ST7L: variants seen among roughly 807,000 people sequenced by gnomAD.
The protein encoded by ST7L is suppression of tumorigenicity 7 like.
ST7L carries 57 observed loss-of-function variants against 72.5 expected under a neutral mutation model. That is an observed-to-expected ratio of 0.79 (90% CI 0.64 to 0.98). The LOEUF (loss-of-function observed/expected upper bound fraction) is 0.98, where lower values mean the gene tolerates loss of function less well. Among genes scored for constraint, ST7L ranks in the 50% least tolerant of loss-of-function variants. ST7L has a pLI of 0.00. For missense variants in ST7L, 576 were observed against 672.2 expected (o/e 0.86, Z 1.58); for synonymous variants, 221 against 240.9 (o/e 0.92, Z 0.77).
At chr1:112,545,061 G>A (rs1191043399) in intron 13 of ST7L, among the ~76,000 whole-genome samples, 2 of 152,072 alleles carry the variant, frequency 1.3e-5, no homozygotes, top group African/African-American at 2.4e-5. Context: ...TCCAGAATGC[G>A]GTAAGTCATA....
upstream of ST7L, chr1:112,619,288 C>A: frequency 1.6e-6 from 1 of 640,836 alleles, no homozygotes; most frequent in Non-Finnish European, 2.7e-6. Flanking sequence ...TTGGGGCTAC[C>A]TGTTCTTTCG....
chr1:112,584,323 C>T (rs1355841610), intron 6 of ST7L, among the ~76,000 whole-genome samples, 197 bp from the exon 7 acceptor site: 4 of 150,944 alleles, frequency 2.6e-5, no homozygotes, highest in African/African-American at 9.7e-5. Context: ...ACAATTCTTC[C>T]ACTTTCTTAT....
intron 14 of ST7L, chr1:112,527,966 C>G (rs1280640433): frequency 6.6e-6 from 1 of 152,100 alleles, no homozygotes; most frequent in Non-Finnish European, 1.5e-5. Flanking sequence ...TAAGTAGACA[C>G]AAGAGGCTGG....
At chr1:112,548,033 C>T (rs12136781) in intron 13 of ST7L, among the ~76,000 whole-genome samples, 32,980 of 151,826 alleles carry the variant, frequency 0.22, 3,775 homozygotes, top group Middle Eastern at 0.26. Flanking sequence ...TATTGAATAC[C>T]AATTTTTATG....
intron 11 of ST7L, among the ~76,000 whole-genome samples, chr1:112,570,059 G>A (rs1398804174): frequency 6.7e-6 from 1 of 150,128 alleles, no homozygotes; most frequent in East Asian, 2.0e-4. Context: ...GGAATATTTA[G>A]AATATATGAA....
chr1:112,594,618 A>T (rs1230462756), intron 5 of ST7L, among the ~76,000 whole-genome samples: 1 of 152,234 alleles, frequency 6.6e-6, no homozygotes, highest in Non-Finnish European at 1.5e-5. Flanking sequence ...AGTTCTAGGC[A>T]AAGTTCCAAG....
intron 2 of ST7L, among the ~76,000 whole-genome samples, chr1:112,614,231 T>A (rs1204291556): frequency 1.6e-5 from 2 of 125,010 alleles, no homozygotes; most frequent in African/African-American, 6.1e-5. Context: ...ATATTGATAG[T>A]TTCTTTAAAA....
Position 112,556,035 on chromosome 1 carries a change from C to A in ST7L, c.1246-17G>T. The A allele has an allele frequency of 6.4e-7, 1 of 1,563,504 alleles. No homozygotes were observed. Among genetic ancestry groups the A allele is most frequent in the Non-Finnish European group, 8.7e-7 (1 of 1,153,514 alleles). ...TAATAAATACTGAAAGAGTAACACA[C>A]AGACACATATACACACAACAGAAAA... is the stretch of plus-strand genomic sequence containing the variant. On this transcript the variant is annotated splice_polypyrimidine_tract_variant and intron_variant, in intron 11 of 14. Transcript: ENST00000358039.
intron 3 of ST7L, among the ~76,000 whole-genome samples, chr1:112,608,184 C>A (rs1054526072): frequency 6.6e-6 from 1 of 151,954 alleles, no homozygotes; most frequent in Admixed American, 6.6e-5. Context: ...CTGTGCCCAA[C>A]TGATTTTATT....
At chr1:112,584,367 A>G (rs1410907760) in intron 6 of ST7L, among the ~76,000 whole-genome samples, 1 of 151,854 alleles carries the variant, frequency 6.6e-6, no homozygotes, top group Non-Finnish European at 1.5e-5. Context: ...AAAAAAAAAA[A>G]CAAAATTTTT....
At chr1:112,551,332 T>C (rs1658139301) in intron 12 of ST7L, among the ~76,000 whole-genome samples, 1 of 151,934 alleles carries the variant, frequency 6.6e-6, no homozygotes, top group Admixed American at 6.6e-5. Context: ...GTATTTTTAG[T>C]AGAGGCGGGG....
chr1:112,607,853 C>CCATTAAAGGTGGAA (rs1668486180), intron 3 of ST7L, among the ~76,000 whole-genome samples: 2 of 151,900 alleles, frequency 1.3e-5, no homozygotes, highest in Non-Finnish European at 2.9e-5. Context: ...AAAATTCTAG[C>CCATTAAAGGTGGAA]AAAGAGTTAG....
chr1:112,595,652 C>G (rs1434100030), intron 5 of ST7L, among the ~76,000 whole-genome samples: 1 of 152,060 alleles, frequency 6.6e-6, no homozygotes, highest in Admixed American at 6.6e-5. Flanking sequence ...CTCCTAGACT[C>G]ATGGGATGCT....
chr1:112,575,730 A>C (rs951839954), intron 11 of ST7L, among the ~76,000 whole-genome samples: 1 of 152,254 alleles, frequency 6.6e-6, no homozygotes, highest in African/African-American at 2.4e-5. Context: ...TAATATTTTC[A>C]GACAGAGGCT....
At chr1:112,535,569 C>A (rs1213873231) in intron 14 of ST7L, among the ~76,000 whole-genome samples, 1 of 151,370 alleles carries the variant, frequency 6.6e-6, no homozygotes, top group African/African-American at 2.4e-5. Flanking sequence ...ATCTCTATAA[C>A]AAATTTTTAA....
chr1:112,592,843 T>C (rs1395830999), intron 5 of ST7L, among the ~76,000 whole-genome samples: 1 of 152,192 alleles, frequency 6.6e-6, no homozygotes, highest in African/African-American at 2.4e-5. Flanking sequence ...TTTCAGTATG[T>C]GTTTTCATAT....
chr1:112,556,421 A>G (rs1659125438), intron 11 of ST7L, among the ~76,000 whole-genome samples: 2 of 152,188 alleles, frequency 1.3e-5, no homozygotes, highest in African/African-American at 4.8e-5. Context: ...AGGAAGAATT[A>G]AATATAAAAA....
chr1:112,567,271 G>C (rs910925344), intron 11 of ST7L, among the ~76,000 whole-genome samples: 12 of 151,784 alleles, frequency 7.9e-5, no homozygotes, highest in Non-Finnish European at 1.8e-4. Flanking sequence ...ATGTGTTATT[G>C]GACATTCCAA....
At chr1:112,574,216 CTT>C (rs749479758) in intron 11 of ST7L, among the ~76,000 whole-genome samples, 19 of 127,034 alleles carry the variant, frequency 1.5e-4, no homozygotes, top group East Asian at 2.4e-4. Flanking sequence ...TGCGCCCGGA[CTT>C]TTTTTTTTTT....
Sources: allele counts gnomAD v4.1 joint callset (sites outside exome capture counted in the v4.1 genomes callset), GRCh38; gene constraint gnomAD v4.1.1; transcripts MANE v1.5; gene names NCBI Gene and HGNC (gene_info 2026-07-23, HGNC 2026-07-21).